PIK3C2G: variants seen among roughly 807,000 people sequenced by gnomAD.
PIK3C2G encodes the protein phosphatidylinositol 3-kinase C2 domain-containing subunit gamma.
Under a neutral mutation model 181.1 loss-of-function variants are expected in PIK3C2G, and 168 were observed. That is an observed-to-expected ratio of 0.93 (90% CI 0.82 to 1.05). PIK3C2G has a LOEUF of 1.05. Ranked by LOEUF, PIK3C2G falls within the 50% of genes least tolerant of loss-of-function variation. PIK3C2G has a pLI of 0.00. For missense variants in PIK3C2G, 1,869 were observed against 1,732.8 expected (o/e 1.08, Z -1.40); for synonymous variants, 573 against 592.2 (o/e 0.97, Z 0.47).
chr12:18,486,773 T>C (rs1044834246), intron 18 of PIK3C2G, among the ~76,000 whole-genome samples: 3 of 152,114 alleles, frequency 2.0e-5, no homozygotes, highest in Non-Finnish European at 2.9e-5. Context: ...GAATCCCATG[T>C]AGACTATAAA....
intron 18 of PIK3C2G, among the ~76,000 whole-genome samples, chr12:18,479,036 T>C (rs1287616191): frequency 3.4e-5 from 5 of 148,672 alleles, no homozygotes; most frequent in African/African-American, 9.8e-5. Context: ...CACACATATA[T>C]ACATTATACA....
chr12:18,675,907 T>G, the PIK3C2G span, among the ~76,000 whole-genome samples: 2 of 152,064 alleles, frequency 1.3e-5, no homozygotes, highest in African/African-American at 4.8e-5. Context: ...TTTTACTTTT[T>G]GGGTACAATG....
chr12:18,562,705 A>C lies in PIK3C2G; in HGVS notation c.3593A>C (p.Lys1198Thr). ...DLEATSHFTKKIKESLECFPV... is the reference protein window; with the variant it reads ...DLEATSHFTKTIKESLECFPV... ...TCTTTTCTTTTACATTTCTCTAGGA[A>C]AATAAAGGAAAGTCTGGAGTGTTTC... The change falls in exon 27 of 33, where the codon AAA becomes ACA. Residue 1198 changes from lysine to threonine, a missense_variant and splice_region_variant. Lys to Thr is a moderately conservative substitution (Grantham distance 78). Coordinates refer to ENST00000538779, the MANE Select transcript of PIK3C2G (RefSeq NM_001288772.2). 1 of 1,567,546 alleles carries C rather than the reference A, an allele frequency of 6.4e-7. No homozygotes were observed. Among genetic ancestry groups the C allele is most frequent in the South Asian group, 1.2e-5 (1 of 86,620 alleles).
chr12:18,251,046 G>C (rs1042629091), intron 1 of PIK3C2G, among the ~76,000 whole-genome samples: 2 of 151,944 alleles, frequency 1.3e-5, no homozygotes, highest in Admixed American at 1.3e-4. Flanking sequence ...TCAGAAAAGA[G>C]AGTAGAATTC....
chr12:18,707,261 C>A, the PIK3C2G span, among the ~76,000 whole-genome samples: 1 of 152,266 alleles, frequency 6.6e-6, no homozygotes, highest in South Asian at 2.1e-4. Context: ...TTGACCTACA[C>A]AATGATCTTC....
intron 24 of PIK3C2G, among the ~76,000 whole-genome samples, chr12:18,532,708 A>T (rs1325486055): frequency 6.6e-6 from 1 of 152,018 alleles, no homozygotes; most frequent in Non-Finnish European, 1.5e-5. Flanking sequence ...CAATTTTCTT[A>T]CTGAACTGTC....
chr12:18,584,447 C>G (rs1946670898), intron 29 of PIK3C2G, among the ~76,000 whole-genome samples: 1 of 151,996 alleles, frequency 6.6e-6, no homozygotes, highest in Admixed American at 6.6e-5. Context: ...AATTTTGGAA[C>G]TTGAAGACTG....
intron 16 of PIK3C2G, among the ~76,000 whole-genome samples, chr12:18,409,036 T>A (rs559125857): frequency 6.6e-6 from 1 of 152,194 alleles, no homozygotes; most frequent in African/African-American, 2.4e-5. Flanking sequence ...GACCCAGCAA[T>A]CATTTACTGG....
chr12:18,508,405 T>C (rs987125597), intron 24 of PIK3C2G, among the ~76,000 whole-genome samples: 9 of 152,198 alleles, frequency 5.9e-5, no homozygotes, highest in African/African-American at 1.7e-4. Flanking sequence ...CGTTGTTTTC[T>C]AGGACAGCTA....
chr12:18,423,146 A>AGAGAGAGT (rs566413322), intron 17 of PIK3C2G, among the ~76,000 whole-genome samples: 2 of 149,370 alleles, frequency 1.3e-5, no homozygotes, highest in African/African-American at 2.5e-5. Flanking sequence ...AGAGAGAGAG[A>AGAGAGAGT]GTGTGTGTGT....
intron 3 of PIK3C2G, among the ~76,000 whole-genome samples, chr12:18,290,037 T>C (rs980889292): frequency 6.6e-6 from 1 of 152,218 alleles, no homozygotes; most frequent in African/African-American, 2.4e-5. Context: ...ACTTTACATG[T>C]GTATATTGCT....
In PIK3C2G at chr12:18,519,672, T is replaced by C. The variant is rs147536192; in HGVS notation, c.3323+14211T>C. Among the ~76,000 whole-genome samples the C allele has an allele frequency of 7.1e-3, 1,087 of 152,268 alleles. 7 individuals carry two copies. The highest frequency in any genetic ancestry group is 0.025 in the African/African-American group (1,034 of 41,536). ...CGATTGGTCTTGACTCTTTATCCAA[T>C]TTGTCAGTGTGTGTCTTTTAGTTGG... On this transcript the variant is annotated intron_variant, in intron 24 of 32. Coordinates refer to ENST00000538779, the MANE Select transcript of PIK3C2G (RefSeq NM_001288772.2).
upstream of PIK3C2G, among the ~76,000 whole-genome samples, chr12:18,259,632 A>C (rs1948185321): frequency 6.6e-6 from 1 of 152,148 alleles, no homozygotes; most frequent in Non-Finnish European, 1.5e-5. Flanking sequence ...ACAAGCAAGA[A>C]AGTTTTAGAA....
the PIK3C2G span, among the ~76,000 whole-genome samples, chr12:18,682,618 T>G: frequency 6.6e-6 from 1 of 152,042 alleles, no homozygotes; most frequent in Non-Finnish European, 1.5e-5. Flanking sequence ...GATCCAAGCA[T>G]GTAAGTCCAC....
At chr12:18,638,917 A>C (rs1278295806) in intron 31 of PIK3C2G, among the ~76,000 whole-genome samples, 1 of 150,082 alleles carries the variant, frequency 6.7e-6, no homozygotes, top group African/African-American at 2.5e-5. Flanking sequence ...AGTTAAACAG[A>C]GCAGAAACAC....
intron 1 of PIK3C2G, among the ~76,000 whole-genome samples, chr12:18,273,165 A>T (rs1386014082): frequency 6.6e-6 from 1 of 152,188 alleles, no homozygotes; most frequent in Non-Finnish European, 1.5e-5. Context: ...CACTTATATG[A>T]TTAACAAAAA....
chr12:18,700,764 T>A, the PIK3C2G span, among the ~76,000 whole-genome samples: 4 of 152,094 alleles, frequency 2.6e-5, no homozygotes, highest in Non-Finnish European at 4.4e-5. Context: ...TAATTATCAT[T>A]TTATTTAAAC....
intron 29 of PIK3C2G, among the ~76,000 whole-genome samples, chr12:18,569,676 A>T (rs1294050071): frequency 6.6e-6 from 1 of 152,098 alleles, no homozygotes; most frequent in East Asian, 1.9e-4. Context: ...ACTTATTTCA[A>T]CCTTATAATG....
chr12:18,631,719 T>A (rs1377846737), intron 31 of PIK3C2G, among the ~76,000 whole-genome samples: 1 of 152,172 alleles, frequency 6.6e-6, no homozygotes, highest in Non-Finnish European at 1.5e-5. Flanking sequence ...TCTTGGTACA[T>A]AGTGGATTTG....
Sources: allele counts gnomAD v4.1 joint callset (sites outside exome capture counted in the v4.1 genomes callset), GRCh38; gene constraint gnomAD v4.1.1; transcripts MANE v1.5; gene names NCBI Gene and HGNC (gene_info 2026-07-23, HGNC 2026-07-21).